PTPRD: variants seen among roughly 807,000 people sequenced by gnomAD.
PTPRD encodes the protein receptor-type tyrosine-protein phosphatase delta.
A neutral mutation model predicts 214.5 loss-of-function variants in PTPRD; 34 were observed. The observed-to-expected ratio is 0.16, with a 90% CI of 0.12 to 0.21. PTPRD has a LOEUF of 0.21. Ranked by LOEUF, PTPRD falls within the 10% of genes least tolerant of loss-of-function variation. The probability of loss-of-function intolerance (pLI) is 1.00; values close to 1 mark genes in which losing one functional copy is unlikely to be tolerated. For missense variants in PTPRD, 2,545 were observed against 2,398.7 expected (o/e 1.06, Z -1.27); for synonymous variants, 1,128 against 845.7 (o/e 1.33, Z -5.79).
chr9:8,467,512 T>C (rs1447996633), intron 31 of PTPRD, among the ~76,000 whole-genome samples: 3 of 151,850 alleles, frequency 2.0e-5, no homozygotes, highest in East Asian at 3.9e-4. Flanking sequence ...ATTTTATAAA[T>C]GAGGAAACTG....
chr9:9,305,885 AT>A (rs1194874056), intron 9 of PTPRD, among the ~76,000 whole-genome samples: 7 of 152,090 alleles, frequency 4.6e-5, no homozygotes, highest in African/African-American at 1.4e-4. Flanking sequence ...GGCAGGAAGA[AT>A]TTTTTTCCTA....
intron 3 of PTPRD, among the ~76,000 whole-genome samples, chr9:10,094,112 T>A (rs184467760): frequency 6.6e-6 from 1 of 151,404 alleles, no homozygotes; most frequent in Admixed American, 6.6e-5. Flanking sequence ...TAAAATAAAA[T>A]AAAATATATG....
chr9:9,996,123 C>A (rs950118437), intron 4 of PTPRD, among the ~76,000 whole-genome samples: 4 of 152,018 alleles, frequency 2.6e-5, no homozygotes, highest in Non-Finnish European at 5.9e-5. Flanking sequence ...AAAATATTAT[C>A]TTTCTACTGT....
intron 2 of PTPRD, among the ~76,000 whole-genome samples, chr9:10,544,674 T>G (rs900747979): frequency 7.9e-5 from 12 of 152,180 alleles, no homozygotes; most frequent in East Asian, 1.9e-4. Context: ...TAAAGATTTT[T>G]GAGTATCAAA....
intron 4 of PTPRD, among the ~76,000 whole-genome samples, chr9:10,004,832 A>G (rs1293708271): frequency 1.3e-5 from 2 of 152,142 alleles, no homozygotes; most frequent in African/African-American, 2.4e-5. Context: ...AAGTTGTCAC[A>G]CTGAGATTTA....
intron 7 of PTPRD, among the ~76,000 whole-genome samples, chr9:9,672,235 A>G (rs1055807803): frequency 6.6e-6 from 1 of 152,292 alleles, no homozygotes; most frequent in Admixed American, 6.5e-5. Flanking sequence ...GAAAACAGTA[A>G]ATTTTTAGCA....
chr9:8,626,674 C>G (rs1037113812), intron 14 of PTPRD, among the ~76,000 whole-genome samples: 8 of 151,676 alleles, frequency 5.3e-5, no homozygotes, highest in African/African-American at 1.9e-4. Context: ...TAAAGCTGAG[C>G]CTCACCTAAG....
At chr9:9,638,994 C>G (rs570708756) in intron 7 of PTPRD, among the ~76,000 whole-genome samples, 2 of 152,146 alleles carry the variant, frequency 1.3e-5, no homozygotes, top group Non-Finnish European at 2.9e-5. Flanking sequence ...CCCTCATCAC[C>G]AAAACACCTC....
intron 21 of PTPRD, among the ~76,000 whole-genome samples, chr9:8,512,087 C>G (rs1197782433): frequency 6.6e-6 from 1 of 151,884 alleles, no homozygotes; most frequent in Non-Finnish European, 1.5e-5. Context: ...GAAATATGAC[C>G]AAAGATACTA....
intron 36 of PTPRD, among the ~76,000 whole-genome samples, chr9:8,391,642 T>G (rs1466129099): frequency 1.3e-5 from 2 of 152,146 alleles, no homozygotes; most frequent in Non-Finnish European, 2.9e-5. Context: ...ATTAAAGAAT[T>G]GATAAAAAGG....
At chr9:8,817,725 A>C (rs2096951066) in intron 11 of PTPRD, among the ~76,000 whole-genome samples, 2 of 152,252 alleles carry the variant, frequency 1.3e-5, no homozygotes, top group South Asian at 4.1e-4. Context: ...CCTAATAAGC[A>C]TACTGATTAT....
intron 12 of PTPRD, among the ~76,000 whole-genome samples, chr9:8,692,143 C>T (rs1198552404): frequency 6.6e-6 from 1 of 152,110 alleles, no homozygotes; most frequent in East Asian, 1.9e-4. Flanking sequence ...TTTTCACTTA[C>T]ATAGATTAGT....
At chr9:9,103,224 C>T (rs2099793692) in intron 10 of PTPRD, among the ~76,000 whole-genome samples, 1 of 151,944 alleles carries the variant, frequency 6.6e-6, no homozygotes, top group African/African-American at 2.4e-5. Context: ...GTCTTACTTC[C>T]AGACACAATT....
intron 14 of PTPRD, among the ~76,000 whole-genome samples, chr9:8,541,508 G>A (rs1482304766): frequency 2.6e-5 from 4 of 152,168 alleles, no homozygotes; most frequent in Admixed American, 2.6e-4. Flanking sequence ...AGGACCACAA[G>A]CACATACCAC....
chr9:10,467,580 G>T (rs539778323), intron 2 of PTPRD, among the ~76,000 whole-genome samples: 2 of 151,978 alleles, frequency 1.3e-5, no homozygotes, highest in African/African-American at 2.4e-5. Context: ...ATATATAAAC[G>T]TGTGTGTACA....
At chr9:9,724,761 G>C (rs1011189080) in intron 7 of PTPRD, among the ~76,000 whole-genome samples, 4 of 152,096 alleles carry the variant, frequency 2.6e-5, no homozygotes, top group African/African-American at 9.7e-5. Flanking sequence ...GCTCTTTAAG[G>C]TATCCCCATT....
rs1372910956 is a variant in PTPRD at position 8,485,816 on chromosome 9, C to T, written c.3001G>A (p.Gly1001Arg). 1.2e-6 allele frequency: 2 copies of T among 1,614,056 alleles called. No homozygotes were observed. Among genetic ancestry groups the T allele is most frequent in the Non-Finnish European group, 1.7e-6 (2 of 1,180,008 alleles). ...ACACTGGGACTATATGGCCCGGGCC[C>T]TTTGCTCGTATGAGCACGTACTTTT... ...DVKVRAHTSK[G>R]PGPYSPSVQF... Residue 1001 changes from glycine (G) to arginine (R), a missense_variant, in exon 28 of 46, where the codon GGG (glycine) becomes AGG (arginine). Physicochemically the swap from Gly to Arg is moderately radical, Grantham distance 125. Coordinates refer to ENST00000381196, the MANE Select transcript of PTPRD (RefSeq NM_002839.4).
intron 39 of PTPRD, among the ~76,000 whole-genome samples, chr9:8,352,793 G>T (rs1292104900): frequency 6.6e-6 from 1 of 152,142 alleles, no homozygotes; most frequent in East Asian, 1.9e-4. Context: ...CAAATGCCAG[G>T]AGTTTTTTGG....
intron 5 of PTPRD, among the ~76,000 whole-genome samples, chr9:9,818,119 A>G (rs1443842956): frequency 5.9e-5 from 9 of 152,188 alleles, no homozygotes; most frequent in Non-Finnish European, 1.3e-4. Flanking sequence ...CCCTCTGAGT[A>G]TCACTGACAT....
Sources: gnomAD v4.1 joint callset for allele counts (sites outside exome capture counted in the v4.1 genomes callset) on GRCh38, gnomAD v4.1.1 for gene constraint, MANE v1.5 for transcripts, NCBI Gene and HGNC (gene_info 2026-07-23, HGNC 2026-07-21) for gene names.